The following RCBTB2 variants were observed in gnomAD, a reference collection of about 807,000 sequenced individuals.
The protein encoded by RCBTB2 is RCC1 and BTB domain containing protein 2, also known as RCC1 and BTB domain-containing protein 2.
A neutral mutation model predicts 65.4 loss-of-function variants in RCBTB2; 55 were observed. The ratio of observed to expected loss-of-function variants is 0.84; its 90% CI spans 0.68 to 1.05. The LOEUF is 1.05. RCBTB2 is among the 50% of genes least tolerant of loss of function. RCBTB2 has a pLI of 0.00. For missense variants in RCBTB2, 599 were observed against 680.1 expected (o/e 0.88, Z 1.33); for synonymous variants, 220 against 255.2 (o/e 0.86, Z 1.31).
At chr13:48,534,485 G>A (rs1952328226), upstream of RCBTB2, among the ~76,000 whole-genome samples, 1 of 152,220 alleles carries the variant, frequency 6.6e-6, no homozygotes, top group Non-Finnish European at 1.5e-5. Flanking sequence ...AGATCTGTTT[G>A]CCTTGCGCAC....
chr13:48,491,308 TAAGA>T (rs1949689708), intron 14 of RCBTB2, among the ~76,000 whole-genome samples: 1 of 151,396 alleles, frequency 6.6e-6, no homozygotes, highest in Non-Finnish European at 1.5e-5. Flanking sequence ...CATTTTCTTT[TAAGA>T]AAAGAAAGAA....
chr13:48,527,319 T>C (rs755368514), intron 1 of RCBTB2, among the ~76,000 whole-genome samples: 20 of 131,596 alleles, frequency 1.5e-4, no homozygotes, highest in Non-Finnish European at 2.7e-4. Context: ...ATGACTTGGC[T>C]CATATATATA....
At chr13:48,511,080 G>T (rs1950766183) in intron 9 of RCBTB2, among the ~76,000 whole-genome samples, 1 of 151,988 alleles carries the variant, frequency 6.6e-6, no homozygotes, top group Admixed American at 6.6e-5. Flanking sequence ...TTTCTTTTTT[G>T]ATTATAAAAG....
chr13:48,512,890 C>G lies in RCBTB2; in HGVS notation c.355G>C (p.Glu119Gln). Reference sequence around the variant, plus strand: ...GCATTATGACCCCAGGTAAAGACTTCTCCTTCTGAAAATAAAAAGAAAGAC... The same window carrying G: ...GCATTATGACCCCAGGTAAAGACTTGTCCTTCTGAAAATAAAAAGAAAGAC... ...PHIVLATTEG[E>Q]VFTWGHNAYS... The change falls in exon 7 of 15, where the codon GAA (glutamate) becomes CAA (glutamine). Residue 119 changes from glutamate (E) to glutamine (Q), a missense_variant. Transcript: ENST00000344532. 4 of 1,604,058 alleles carry G rather than the reference C, an allele frequency of 2.5e-6. No individual in the cohort carries two copies. Among genetic ancestry groups the G allele is most frequent in the Non-Finnish European group, 3.4e-6 (4 of 1,175,216 alleles).
At chr13:48,492,549 C>T (rs1265071043) in intron 14 of RCBTB2, 1 of 152,326 alleles carries the variant, frequency 6.6e-6, no homozygotes, top group Non-Finnish European at 1.5e-5. Context: ...GATCAGACTT[C>T]CCGCCTCACT....
At chr13:48,496,125 G>A in intron 14 of RCBTB2, 66 bp downstream of exon 14, 1 of 1,374,454 alleles carries the variant, frequency 7.3e-7, no homozygotes, top group Non-Finnish European at 9.5e-7. Flanking sequence ...TTAGTTTAAG[G>A]TACGAGGCAG....
Position 48,515,732 on chromosome 13 carries a change from C to G in RCBTB2, c.52G>C (p.Ala18Pro). The G allele has an allele frequency of 1.3e-6, 2 of 1,593,140 alleles. No individual in the cohort carries two copies. Among genetic ancestry groups the G allele is most frequent in the South Asian group, 1.2e-5 (1 of 86,806 alleles). The change falls in exon 5 of 15, where the codon GCT becomes CCT. Residue 18 changes from alanine to proline, a missense_variant. By Grantham distance (27) the Ala-to-Pro change is conservative. Coordinates refer to ENST00000344532, the MANE Select transcript of RCBTB2 (RefSeq NM_001268.4). ...AACATCTTCAAAGATGACAGAGTAG[C>G]CTGTACTGGCTGAAAAGGAAAAAAT... ...FSGDSGKPVQ[A>P]TLSSLKMLDV...
intron 6 of RCBTB2, among the ~76,000 whole-genome samples, chr13:48,513,411 C>G (rs1162868393): frequency 6.6e-6 from 1 of 152,154 alleles, no homozygotes; most frequent in African/African-American, 2.4e-5. Flanking sequence ...AATCACCCCC[C>G]AAAAGGCCCT....
chr13:48,526,695 A>G (rs1329437828), intron 1 of RCBTB2, among the ~76,000 whole-genome samples: 1 of 151,858 alleles, frequency 6.6e-6, no homozygotes, highest in Non-Finnish European at 1.5e-5. Flanking sequence ...TGGGAGGATT[A>G]ATTGAGGTCA....
chr13:48,531,792 T>C lies in RCBTB2; in HGVS notation c.-219+1236A>G, dbSNP rs138520941. On this transcript the variant is annotated intron_variant, in intron 1 of 14. Transcript: ENST00000344532. The stretch of plus-strand genomic sequence containing the variant: ...GCTCTTCTATTCCAGCCCCCAAATA[T>C]CTGTATCAGCACATCATATAAGATT... Among the ~76,000 whole-genome samples the C allele has an allele frequency of 3.0e-3, 461 of 152,324 alleles. 3 individuals are homozygous for C. Among genetic ancestry groups the C allele is most frequent in the African/African-American group, 0.01 (418 of 41,560 alleles).
intron 10 of RCBTB2, among the ~76,000 whole-genome samples, chr13:48,509,006 A>T (rs1418930390): frequency 1.3e-5 from 2 of 152,110 alleles, no homozygotes; most frequent in African/African-American, 4.8e-5. Flanking sequence ...GATGTGCTAA[A>T]GTTCTGGGTA....
chr13:48,517,410 C>A (rs1000529645), intron 4 of RCBTB2, among the ~76,000 whole-genome samples: 1 of 152,176 alleles, frequency 6.6e-6, no homozygotes, highest in African/African-American at 2.4e-5. Flanking sequence ...AAAACTGGGC[C>A]CCAAATCCCT....
chr13:48,515,198 A>T lies in RCBTB2; in HGVS notation c.349+7T>A. 1.2e-6 allele frequency: 2 copies of T among 1,610,548 alleles called. No individual in the cohort carries two copies. The highest frequency in any genetic ancestry group is 1.7e-6 in the Non-Finnish European group (2 of 1,178,734). The stretch of plus-strand genomic sequence containing the variant: ...AGCTGAAATTCTACATGGGGTTCCT[A>T]GGTTACCTGTTGTTGCAAGGACAAT... On this transcript the variant is annotated splice_region_variant and intron_variant, in intron 6 of 14. Transcript: ENST00000344532.
At chr13:48,503,494 T>C (rs963652585) in intron 10 of RCBTB2, among the ~76,000 whole-genome samples, 1 of 152,150 alleles carries the variant, frequency 6.6e-6, no homozygotes, top group Non-Finnish European at 1.5e-5. Flanking sequence ...CTATGTGATA[T>C]GCCCTACTGC....
chr13:48,518,204 T>G (rs1323335813), intron 4 of RCBTB2, among the ~76,000 whole-genome samples: 1 of 152,176 alleles, frequency 6.6e-6, no homozygotes, highest in South Asian at 2.1e-4. Context: ...ACAAAGAAAC[T>G]AACAGAGAAG....
At chr13:48,532,932 C>A (rs1285060254) in intron 1 of RCBTB2, 96 bp downstream of exon 1, 2 of 451,366 alleles carry the variant, frequency 4.4e-6, no homozygotes, top group Non-Finnish European at 8.9e-6. Flanking sequence ...GCCGCAGGGG[C>A]GGGGAGGGGT....
chr13:48,519,582 A>C (rs1951306088), intron 4 of RCBTB2, among the ~76,000 whole-genome samples: 1 of 152,208 alleles, frequency 6.6e-6, no homozygotes, highest in African/African-American at 2.4e-5. Flanking sequence ...CCAGTCTGTA[A>C]GTTTTATGAA....
chr13:48,525,702 T>A (rs1165601779), intron 1 of RCBTB2, among the ~76,000 whole-genome samples: 1 of 151,674 alleles, frequency 6.6e-6, no homozygotes, highest in East Asian at 1.9e-4. Flanking sequence ...AAAGAACAAA[T>A]TGATCAACAA....
At chr13:48,497,104 C>T (rs1004521021) in intron 13 of RCBTB2, among the ~76,000 whole-genome samples, 7 of 152,166 alleles carry the variant, frequency 4.6e-5, no homozygotes, top group African/African-American at 7.2e-5. Flanking sequence ...TCCTCTTACT[C>T]GACATTTACA....
Sources: gnomAD v4.1 joint callset for allele counts (sites outside exome capture counted in the v4.1 genomes callset) on GRCh38, gnomAD v4.1.1 for gene constraint, MANE v1.5 for transcripts, NCBI Gene and HGNC (gene_info 2026-07-23, HGNC 2026-07-21) for gene names.